ARB2A: variants seen among roughly 807,000 people sequenced by gnomAD.
The protein encoded by ARB2A is ARB2 cotranscriptional regulator A.
the ARB2A span, among the ~76,000 whole-genome samples, chr5:93,756,822 AC>A: frequency 3.3e-5 from 5 of 151,752 alleles, no homozygotes; most frequent in Non-Finnish European, 7.4e-5. Context: ...GCTCGTCAAC[AC>A]CCCCCCAAAA....
At chr5:93,713,465 T>TA in the ARB2A span, among the ~76,000 whole-genome samples, 1 of 152,072 alleles carries the variant, frequency 6.6e-6, no homozygotes, top group Non-Finnish European at 1.5e-5. Flanking sequence ...AAGTTCAATA[T>TA]CACTAATCAT....
At chr5:93,627,444 T>TTTTTG in the ARB2A span, among the ~76,000 whole-genome samples, 1 of 130,852 alleles carries the variant, frequency 7.6e-6, no homozygotes, top group African/African-American at 3.0e-5. Context: ...ATGTGTTTTG[T>TTTTTG]TTTTTTTTTT....
the ARB2A span, among the ~76,000 whole-genome samples, chr5:93,732,743 A>G: frequency 6.6e-6 from 1 of 152,162 alleles, no homozygotes; most frequent in Non-Finnish European, 1.5e-5. Flanking sequence ...ATGGCTTTGT[A>G]AAGAGAAATT....
At chr5:93,690,073 C>G in the ARB2A span, among the ~76,000 whole-genome samples, 1 of 152,122 alleles carries the variant, frequency 6.6e-6, no homozygotes, top group East Asian at 1.9e-4. Context: ...CCAGGAGATT[C>G]CCTAGAGTGC....
At chr5:93,817,314 A>T in the ARB2A span, among the ~76,000 whole-genome samples, 1 of 152,182 alleles carries the variant, frequency 6.6e-6, no homozygotes, top group Non-Finnish European at 1.5e-5. Flanking sequence ...AAAACAACAA[A>T]GCATTTTTGA....
the ARB2A span, among the ~76,000 whole-genome samples, chr5:94,048,351 C>A: frequency 1.3e-5 from 2 of 152,028 alleles, no homozygotes; most frequent in Non-Finnish European, 2.9e-5. Flanking sequence ...CCATGCCTGG[C>A]CAGGTAAGCT....
chr5:93,995,595 T>G, the ARB2A span, among the ~76,000 whole-genome samples: 2 of 152,170 alleles, frequency 1.3e-5, no homozygotes, highest in Non-Finnish European at 2.9e-5. Context: ...AGAAGGCTAA[T>G]AGCTAAGTTT....
chr5:93,897,979 G>A, the ARB2A span, among the ~76,000 whole-genome samples: 10 of 151,996 alleles, frequency 6.6e-5, no homozygotes, highest in Non-Finnish European at 1.3e-4. Flanking sequence ...GCTGTACCAT[G>A]TTCCCAGATA....
At chr5:93,829,295 A>T in the ARB2A span, among the ~76,000 whole-genome samples, 1 of 151,970 alleles carries the variant, frequency 6.6e-6, no homozygotes, top group South Asian at 2.1e-4. Context: ...AAGTAACCTA[A>T]TTGGGCCCTA....
the ARB2A span, among the ~76,000 whole-genome samples, chr5:94,018,628 T>C: frequency 2.0e-5 from 3 of 152,192 alleles, no homozygotes; most frequent in South Asian, 6.2e-4. Context: ...CCTCTCTCAT[T>C]TCCTTGAGCA....
At chr5:93,880,250 T>C in the ARB2A span, among the ~76,000 whole-genome samples, 1 of 151,882 alleles carries the variant, frequency 6.6e-6, no homozygotes, top group South Asian at 2.1e-4. Context: ...TGGGAATATA[T>C]ATGCTGTTTT....
At chr5:93,909,318 T>C in the ARB2A span, among the ~76,000 whole-genome samples, 2 of 151,054 alleles carry the variant, frequency 1.3e-5, no homozygotes, top group African/African-American at 4.8e-5. Context: ...AACTCTTAAG[T>C]AATAGCACCG....
At chr5:93,994,312 C>A in the ARB2A span, among the ~76,000 whole-genome samples, 135 of 152,210 alleles carry the variant, frequency 8.9e-4, no homozygotes, top group African/African-American at 3.2e-3. Flanking sequence ...GGTTCACACA[C>A]ACAATGAAAT....
the ARB2A span, among the ~76,000 whole-genome samples, chr5:93,949,903 T>C: frequency 5.3e-5 from 8 of 152,330 alleles, no homozygotes; most frequent in Admixed American, 3.9e-4. Flanking sequence ...CAATAAATTC[T>C]CAGTTTTATT....
chr5:93,636,714 T>C, the ARB2A span, among the ~76,000 whole-genome samples: 1 of 152,250 alleles, frequency 6.6e-6, no homozygotes, highest in Admixed American at 6.5e-5. Flanking sequence ...TATAGCACAC[T>C]GAGTTTTCCA....
At chr5:93,841,821 T>C in the ARB2A span, among the ~76,000 whole-genome samples, 138,785 of 152,188 alleles carry the variant, frequency 0.91, 63,636 homozygotes, top group East Asian at 1. Context: ...GACAAAGGGA[T>C]GCGAGTGTTG....
At chr5:93,952,345 G>T in the ARB2A span, among the ~76,000 whole-genome samples, 1 of 152,132 alleles carries the variant, frequency 6.6e-6, no homozygotes, top group Admixed American at 6.5e-5. Context: ...TGTAGAACAC[G>T]TCTGGTGTGG....
chr5:93,964,488 CT>C, the ARB2A span: 1 of 1,581,144 alleles, frequency 6.3e-7, no homozygotes, highest in South Asian at 1.2e-5. Flanking sequence ...AATTACAATC[CT>C]TTTCCAGGAG....
At chr5:93,901,359 G>C in the ARB2A span, among the ~76,000 whole-genome samples, 1 of 152,158 alleles carries the variant, frequency 6.6e-6, no homozygotes, top group African/African-American at 2.4e-5. Context: ...TGCATACATA[G>C]AAGGAAGGAG....
Sources: allele counts gnomAD v4.1 joint callset (sites outside exome capture counted in the v4.1 genomes callset), GRCh38; gene constraint gnomAD v4.1.1; transcripts MANE v1.5; gene names NCBI Gene and HGNC (gene_info 2026-07-23, HGNC 2026-07-21).